LEMD3: variants seen among roughly 807,000 people sequenced by gnomAD.
LEMD3 encodes the protein inner nuclear membrane protein Man1.
LEMD3 carries 33 observed loss-of-function variants against 95.2 expected under a neutral mutation model. The ratio of observed to expected loss-of-function variants is 0.35; its 90% CI spans 0.26 to 0.46. The LOEUF is 0.46. Among genes scored for constraint, LEMD3 ranks in the 20% least tolerant of loss-of-function variants. The probability of loss-of-function intolerance (pLI) is 1.00; values close to 1 mark genes in which losing one functional copy is unlikely to be tolerated. For synonymous variants in LEMD3, 525 were observed against 474.6 expected (o/e 1.11, Z -1.38); for missense variants, 1,210 against 1,192.8 (o/e 1.01, Z -0.21).
intron 4 of LEMD3, among the ~76,000 whole-genome samples, chr12:65,220,488 T>A (rs1870250592): frequency 6.6e-6 from 1 of 152,256 alleles, no homozygotes; most frequent in Non-Finnish European, 1.5e-5. Flanking sequence ...GATATATGGT[T>A]TGCAAATATT....
At chr12:65,222,660 A>G (rs372155230) in intron 4 of LEMD3, among the ~76,000 whole-genome samples, 1 of 151,846 alleles carries the variant, frequency 6.6e-6, no homozygotes, top group Non-Finnish European at 1.5e-5. Flanking sequence ...TTTTGCTCCA[A>G]TCTTTATTAT....
At chr12:65,206,134 TC>T (rs1869757027) in intron 1 of LEMD3, among the ~76,000 whole-genome samples, 1 of 152,152 alleles carries the variant, frequency 6.6e-6, no homozygotes, top group Admixed American at 6.6e-5. Flanking sequence ...ACATTCCCCC[TC>T]ACCCACAACC....
At chr12:65,190,050 A>T (rs1869189834) in intron 1 of LEMD3, among the ~76,000 whole-genome samples, 1 of 152,170 alleles carries the variant, frequency 6.6e-6, no homozygotes, top group African/African-American at 2.4e-5. Context: ...TCATAAAGTA[A>T]ACCTTAGTTC....
At chr12:65,213,642 G>T (rs1870012796) in intron 2 of LEMD3, among the ~76,000 whole-genome samples, 2 of 152,182 alleles carry the variant, frequency 1.3e-5, no homozygotes, top group Non-Finnish European at 2.9e-5. Context: ...TATGAGATCA[G>T]TTCCATCTGG....
At chr12:65,227,954 T>C (rs1870506227) in intron 4 of LEMD3, among the ~76,000 whole-genome samples, 1 of 152,150 alleles carries the variant, frequency 6.6e-6, no homozygotes, top group Non-Finnish European at 1.5e-5. Context: ...ATTGACTCTA[T>C]TCAGTATTTC....
chr12:65,181,098 C>T lies in LEMD3; in HGVS notation c.1522+9980C>T, dbSNP rs535572524. 5.3e-5 allele frequency among the ~76,000 whole-genome samples: 8 copies of T among 152,098 alleles called. No individual in the cohort carries two copies. In the East Asian group the frequency reaches 1.5e-3, roughly 29 times the overall value. On this transcript the variant is annotated intron_variant, in intron 1 of 12. Coordinates refer to ENST00000308330, the MANE Select transcript of LEMD3 (RefSeq NM_014319.5). ...TAGGAATTCACCAAGGTAAAATTTTCAAAGCATATGAAGAGGATTGTTGAA... is the reference window on the plus strand; with the variant it reads ...TAGGAATTCACCAAGGTAAAATTTTTAAAGCATATGAAGAGGATTGTTGAA...
chr12:65,194,015 G>T (rs995225366), intron 1 of LEMD3, among the ~76,000 whole-genome samples: 4 of 152,084 alleles, frequency 2.6e-5, no homozygotes, highest in Non-Finnish European at 1.5e-5. Flanking sequence ...ACAGCTGTTT[G>T]TATTAAACCA....
chr12:65,213,130 A>G (rs1380752846), intron 2 of LEMD3, among the ~76,000 whole-genome samples: 1 of 152,222 alleles, frequency 6.6e-6, no homozygotes, highest in East Asian at 1.9e-4. Flanking sequence ...TAAATAGTAT[A>G]TCTCATAAAC....
At chr12:65,181,010 A>ACACACACACAC (rs1565780094) in intron 1 of LEMD3, among the ~76,000 whole-genome samples, 1 of 151,982 alleles carries the variant, frequency 6.6e-6, no homozygotes, top group African/African-American at 2.4e-5. Flanking sequence ...ACACACACAC[A>ACACACACACAC]ATTTTCTGAC....
At chr12:65,226,875 A>G (rs1313303586) in intron 4 of LEMD3, among the ~76,000 whole-genome samples, 2 of 152,208 alleles carry the variant, frequency 1.3e-5, no homozygotes, top group African/African-American at 4.8e-5. Context: ...TGTGTTTTCT[A>G]ATTAAATCAG....
At chr12:65,215,357 G>A (rs1870076148) in intron 2 of LEMD3, among the ~76,000 whole-genome samples, 1 of 152,150 alleles carries the variant, frequency 6.6e-6, no homozygotes, top group South Asian at 2.1e-4. Context: ...TTACTCTGCA[G>A]TTGTATAACA....
At chr12:65,194,696 T>C (rs1869354187) in intron 1 of LEMD3, among the ~76,000 whole-genome samples, 1 of 151,802 alleles carries the variant, frequency 6.6e-6, no homozygotes, top group East Asian at 2.0e-4. Context: ...GTAATTGATA[T>C]CTATACCTTA....
At chr12:65,222,349 G>GT (rs1413225912) in intron 4 of LEMD3, among the ~76,000 whole-genome samples, 9 of 151,904 alleles carry the variant, frequency 5.9e-5, no homozygotes, top group Admixed American at 3.3e-4. Flanking sequence ...GTTTGCTAGT[G>GT]TTTTTTTGAG....
chr12:65,215,369 T>G (rs950351209), intron 2 of LEMD3, among the ~76,000 whole-genome samples: 7 of 152,194 alleles, frequency 4.6e-5, no homozygotes, highest in African/African-American at 9.7e-5. Context: ...TGTATAACAT[T>G]TAATATGTTT....
chr12:65,180,197 C>T (rs565788763), intron 1 of LEMD3, among the ~76,000 whole-genome samples: 44 of 152,122 alleles, frequency 2.9e-4, no homozygotes, highest in Middle Eastern at 6.8e-3. Flanking sequence ...CCACCTGCCT[C>T]GGCCTCTCAA....
intron 4 of LEMD3, among the ~76,000 whole-genome samples, chr12:65,226,978 A>G (rs1870466671): frequency 6.6e-6 from 1 of 152,292 alleles, no homozygotes; most frequent in South Asian, 2.1e-4. Context: ...CCTAGATGAG[A>G]ACATTAATGA....
chr12:65,219,436 C>T (rs1449664440), intron 4 of LEMD3, among the ~76,000 whole-genome samples: 3 of 152,100 alleles, frequency 2.0e-5, no homozygotes, highest in Non-Finnish European at 2.9e-5. Context: ...GGTCCAGTTC[C>T]ATAAAGATAA....
At chr12:65,200,202 C>T (rs906837477) in intron 1 of LEMD3, among the ~76,000 whole-genome samples, 1 of 152,042 alleles carries the variant, frequency 6.6e-6, no homozygotes, top group African/African-American at 2.4e-5. Flanking sequence ...TGGTCACTTT[C>T]CACCATCAAT....
At chr12:65,191,930 A>G (rs1869255584) in intron 1 of LEMD3, among the ~76,000 whole-genome samples, 1 of 150,580 alleles carries the variant, frequency 6.6e-6, no homozygotes, top group Admixed American at 6.6e-5. Flanking sequence ...GTCTCAAAAA[A>G]AAAAAAAAAA....
Sources: allele counts gnomAD v4.1 joint callset (sites outside exome capture counted in the v4.1 genomes callset), GRCh38; gene constraint gnomAD v4.1.1; transcripts MANE v1.5; gene names NCBI Gene and HGNC (gene_info 2026-07-23, HGNC 2026-07-21).